Variants in SYBU observed in about 807,000 individuals in gnomAD.
SYBU encodes the protein GOLSYN A protein.
SYBU carries 21 observed loss-of-function variants against 35.9 expected under a neutral mutation model. That is an observed-to-expected ratio of 0.58 (90% CI 0.41 to 0.84). The LOEUF is 0.84. SYBU is among the 40% of genes least tolerant of loss of function. The pLI, the probability that SYBU is intolerant of heterozygous loss-of-function variation, is 0.00. For synonymous variants in SYBU, 319 were observed against 324.3 expected, an observed-to-expected ratio of 0.98 and a Z score of 0.18; for missense variants, 768 against 848.2, an observed-to-expected ratio of 0.91 and a Z score of 1.17.
intron 1 of SYBU, among the ~76,000 whole-genome samples, chr8:109,673,287 G>A (rs867898823): frequency 1.5e-4 from 23 of 152,252 alleles, no homozygotes; most frequent in Middle Eastern, 3.4e-3. Flanking sequence ...GGTGAGCTCC[G>A]GCTGGCATTT....
chr8:109,634,050 T>C (rs1196842793), intron 2 of SYBU, among the ~76,000 whole-genome samples: 1 of 152,174 alleles, frequency 6.6e-6, no homozygotes, highest in Non-Finnish European at 1.5e-5. Flanking sequence ...ACCTTTTAGA[T>C]TGTAATCTAG....
chr8:109,662,955 G>A (rs993262113), intron 1 of SYBU, among the ~76,000 whole-genome samples: 2 of 152,062 alleles, frequency 1.3e-5, no homozygotes, highest in Non-Finnish European at 2.9e-5. Context: ...TAAACATATT[G>A]TAGATGCACA....
chr8:109,586,379 TA>T, intron 3 of SYBU: 1 of 531,760 alleles, frequency 1.9e-6, no homozygotes, highest in Non-Finnish European at 3.3e-6. Flanking sequence ...AGATGCACAG[TA>T]AGGCTGGTTT....
intron 1 of SYBU, among the ~76,000 whole-genome samples, chr8:109,669,061 G>A (rs1337815097): frequency 1.3e-5 from 2 of 152,046 alleles, no homozygotes; most frequent in African/African-American, 4.8e-5. Flanking sequence ...GCAACTGATC[G>A]GCTGGGCGTG....
intron 3 of SYBU, chr8:109,607,924 T>A: frequency 6.5e-7 from 1 of 1,528,380 alleles, no homozygotes; most frequent in Non-Finnish European, 8.8e-7. Flanking sequence ...GAAGGTAAGC[T>A]CCATAGACTT....
intron 3 of SYBU, among the ~76,000 whole-genome samples, chr8:109,587,552 A>G (rs532884612): frequency 6.6e-6 from 1 of 152,310 alleles, no homozygotes; most frequent in East Asian, 1.9e-4. Context: ...CCATCTCCCT[A>G]AAAGGTCAAC....
chr8:109,647,165 T>C (rs1318136227), upstream of SYBU: 2 of 152,224 alleles, frequency 1.3e-5, no homozygotes, highest in Non-Finnish European at 2.9e-5. Context: ...GCCGCCTTGT[T>C]TACCTCTCCG....
At position 109,608,140 on chromosome 8, in the gene SYBU, A is replaced by G. The variant is rs192734653; in HGVS notation, c.427+10702T>C. On this transcript the variant is annotated intron_variant, in intron 3 of 6. Coordinates refer to ENST00000276646, the MANE Select transcript of SYBU (RefSeq NM_001099754.2). ...CAGGAGGCAGAGGGAAAGCCAGCCT[A>G]TCAGGGAAGAGCACAGGGCCTTCTC... is the stretch of plus-strand genomic sequence containing the variant. 337 of 528,746 alleles carry G rather than the reference A, an allele frequency of 6.4e-4. 2 individuals are homozygous for G. Among genetic ancestry groups the G allele is most frequent in the South Asian group, 2.8e-3 (92 of 33,332 alleles). 32.8% of individuals were successfully genotyped at this position (528,746 alleles called of 1,614,324 possible).
chr8:109,606,872 A>G (rs530199407), intron 3 of SYBU, among the ~76,000 whole-genome samples: 1 of 152,088 alleles, frequency 6.6e-6, no homozygotes, highest in East Asian at 1.9e-4. Flanking sequence ...ATGAGCATAA[A>G]AAAGTAAACA....
At chr8:109,623,352 C>A (rs1275050948) in intron 2 of SYBU, among the ~76,000 whole-genome samples, 1 of 152,106 alleles carries the variant, frequency 6.6e-6, no homozygotes, top group Non-Finnish European at 1.5e-5. Context: ...GAAATCAGTT[C>A]TTTTGTTGTT....
chr8:109,626,233 T>C (rs954224513), intron 2 of SYBU, among the ~76,000 whole-genome samples: 11 of 152,230 alleles, frequency 7.2e-5, no homozygotes, highest in African/African-American at 2.4e-4. Flanking sequence ...CCTTGCTCTA[T>C]TCTGTCAAAT....
intron 1 of SYBU, among the ~76,000 whole-genome samples, chr8:109,672,535 A>G (rs143547762): frequency 1.3e-3 from 199 of 152,322 alleles, no homozygotes; most frequent in African/African-American, 4.6e-3. Context: ...TTCACAACCC[A>G]CAGACCAGGA....
intron 2 of SYBU, among the ~76,000 whole-genome samples, chr8:109,626,296 T>G (rs988778756): frequency 2.0e-5 from 3 of 152,230 alleles, no homozygotes; most frequent in African/African-American, 7.2e-5. Context: ...CTTAGAATGT[T>G]TTTATTATTC....
At chr8:109,655,766 G>A (rs551782094) in intron 1 of SYBU, among the ~76,000 whole-genome samples, 28 of 152,158 alleles carry the variant, frequency 1.8e-4, no homozygotes, top group African/African-American at 6.0e-4. Context: ...ATATAGTTGC[G>A]TTGCTGTATT....
At chr8:109,587,980 A>G (rs1823819428) in intron 3 of SYBU, among the ~76,000 whole-genome samples, 3 of 152,360 alleles carry the variant, frequency 2.0e-5, no homozygotes, top group Admixed American at 6.5e-5. Flanking sequence ...AATCTGAAGG[A>G]TTCATGATTG....
At chr8:109,683,923 G>T (rs1817461803), upstream of SYBU, among the ~76,000 whole-genome samples, 1 of 152,154 alleles carries the variant, frequency 6.6e-6, no homozygotes, top group African/African-American at 2.4e-5. Flanking sequence ...ATGTGAAGAA[G>T]GATGTGTTTG....
chr8:109,618,500 T>C (rs576214807), intron 3 of SYBU, among the ~76,000 whole-genome samples: 6 of 152,364 alleles, frequency 3.9e-5, no homozygotes, highest in African/African-American at 9.6e-5. Context: ...TCACTTATGA[T>C]AGTACTAACT....
chr8:109,616,982 A>G (rs1316120514), intron 3 of SYBU, among the ~76,000 whole-genome samples: 1 of 152,054 alleles, frequency 6.6e-6, no homozygotes, highest in African/African-American at 2.4e-5. Flanking sequence ...CTACTAAAAA[A>G]AAAAGTAGCC....
chr8:109,593,657 A>G (rs148994583), intron 3 of SYBU, among the ~76,000 whole-genome samples: 2 of 152,350 alleles, frequency 1.3e-5, no homozygotes, highest in Non-Finnish European at 2.9e-5. Context: ...GCAGAGAAAT[A>G]ACATTTCACA....
Sources: gnomAD v4.1 joint callset for allele counts (sites outside exome capture counted in the v4.1 genomes callset) on GRCh38, gnomAD v4.1.1 for gene constraint, MANE v1.5 for transcripts, NCBI Gene and HGNC (gene_info 2026-07-23, HGNC 2026-07-21) for gene names.